The following MZT2B variants were observed in gnomAD, a reference collection of about 807,000 sequenced individuals.
MZT2B encodes the protein mitotic spindle organizing protein 2B, also known as mitotic-spindle organizing protein 2B.
Under a neutral mutation model 12.1 loss-of-function variants are expected in MZT2B, and 11 were observed. That is an observed-to-expected ratio of 0.91 (90% CI 0.57 to 1.50). MZT2B has a LOEUF of 1.50. Ranked by LOEUF, MZT2B falls within the 40% of genes most tolerant of loss-of-function variation. The probability of loss-of-function intolerance (pLI) is 0.00; values close to 1 mark genes in which losing one functional copy is unlikely to be tolerated. For missense variants in MZT2B, 209 were observed against 227.7 expected, an observed-to-expected ratio of 0.92 and a Z score of 0.53; for synonymous variants, 85 against 109.5, an observed-to-expected ratio of 0.78 and a Z score of 1.40.
chr2:130,188,669 G>T (rs1260642460), intron 2 of MZT2B, among the ~76,000 whole-genome samples: 4 of 152,270 alleles, frequency 2.6e-5, no homozygotes, highest in Admixed American at 1.3e-4. Context: ...CACCAGGCAA[G>T]AATGAGCAAA....
the MZT2B span, among the ~76,000 whole-genome samples, chr2:130,203,660 G>A: frequency 7.9e-5 from 12 of 151,416 alleles, 1 homozygote; most frequent in East Asian, 1.6e-3. Flanking sequence ...TTGCCCAGGC[G>A]CTGGTCTTGA....
downstream of MZT2B, chr2:130,195,159 C>T (rs1274036518): frequency 6.2e-7 from 1 of 1,613,914 alleles, no homozygotes; most frequent in African/African-American, 1.3e-5. Context: ...TTACTGGCTG[C>T]ATCTTCCTTC....
upstream of MZT2B, chr2:130,182,254 C>A: frequency 8.0e-7 from 1 of 1,253,940 alleles, no homozygotes; most frequent in South Asian, 3.2e-5. Flanking sequence ...CGCGGCGGGG[C>A]GGAGCGCACC....
the MZT2B span, among the ~76,000 whole-genome samples, chr2:130,200,390 C>CA: frequency 0.022 from 2,649 of 121,018 alleles, 14 homozygotes; most frequent in African/African-American, 0.057. Flanking sequence ...GACTCTGTCT[C>CA]AAAAAAAAAA....
In MZT2B at chr2:130,190,535, G is replaced by T; in HGVS notation, c.386G>T (p.Gly129Val). The T allele has an allele frequency of 6.2e-7, 1 of 1,613,882 alleles. No homozygotes were observed. Among genetic ancestry groups the T allele is most frequent in the South Asian group, 1.1e-5 (1 of 91,078 alleles). Reference sequence around the variant, plus strand: ...CTGGCGGAACGCAGCAGCCGCGAAGGATCCAGCCAGAGGATGCCACGCCAG... The same window carrying T: ...CTGGCGGAACGCAGCAGCCGCGAAGTATCCAGCCAGAGGATGCCACGCCAG... ...LALAERSSREGSSQRMPRQPS... is the reference protein window; with the variant it reads ...LALAERSSREVSSQRMPRQPS... The change falls in exon 3 of 3, where the codon GGA becomes GTA. Residue 129 changes from glycine (G) to valine (V), a missense_variant. Gly to Val is a moderately radical substitution (Grantham distance 109). Transcript: ENST00000281871.
chr2:130,182,701 G>C lies in MZT2B; in HGVS notation c.245G>C (p.Gly82Ala). ...CAGATGCTCAAGTCCATGTGTGCCG[G>C]GCAGAGGCTAGCGAGCGAGCCCCAG... ...VFQMLKSMCA[G>A]QRLASEPQDP... is the part of the protein sequence containing the mutation. Residue 82 changes from glycine (G) to alanine (A), a missense_variant, in exon 2 of 3, where the codon GGG becomes GCG. Coordinates refer to ENST00000281871, the MANE Select transcript of MZT2B (RefSeq NM_025029.5). 1 of 1,547,446 alleles carries C rather than the reference G, an allele frequency of 6.5e-7. No homozygotes were observed. Among genetic ancestry groups the C allele is most frequent in the Non-Finnish European group, 8.7e-7 (1 of 1,145,210 alleles).
downstream of MZT2B, chr2:130,194,021 G>A: frequency 1.9e-6 from 3 of 1,614,208 alleles, no homozygotes; most frequent in Non-Finnish European, 2.5e-6. Context: ...TGAGATGACT[G>A]GGGCGTAGGT....
At chr2:130,187,648 A>C (rs1573764412) in intron 2 of MZT2B, among the ~76,000 whole-genome samples, 1 of 152,288 alleles carries the variant, frequency 6.6e-6, no homozygotes, top group African/African-American at 2.4e-5. Context: ...CTGACTCAGT[A>C]GCCCCTCCCG....
chr2:130,190,336 T>C (rs1279091234), intron 2 of MZT2B, 133 bp from the exon 3 acceptor site: 49 of 1,381,334 alleles, frequency 3.5e-5, no homozygotes, highest in Non-Finnish European at 4.8e-5. Flanking sequence ...TTGGGGCTGA[T>C]GCAGGGCCTC....
At chr2:130,181,886 G>A (rs1324824555), upstream of MZT2B, 2 of 1,480,840 alleles carry the variant, frequency 1.4e-6, no homozygotes, top group Non-Finnish European at 1.8e-6. Flanking sequence ...CCCGAAAAGC[G>A]ACCCCTAGTG....
At chr2:130,204,300 G>C in the MZT2B span, 1 of 422,720 alleles carries the variant, frequency 2.4e-6, no homozygotes, top group East Asian at 7.3e-5. Context: ...ACTCCCAGAA[G>C]CAGAAGGTGT....
intron 2 of MZT2B, chr2:130,184,493 G>A (rs1224597631): frequency 1.0e-6 from 1 of 985,328 alleles, no homozygotes; most frequent in Non-Finnish European, 1.2e-6. Context: ...CACTTTCCAG[G>A]TGTCAGCAGG....
chr2:130,181,773 T>C (rs1689670042), upstream of MZT2B: 3 of 1,547,856 alleles, frequency 1.9e-6, no homozygotes, highest in Non-Finnish European at 1.7e-6. Flanking sequence ...TGCGCCTGCG[T>C]TGTGGCGGCC....
intron 2 of MZT2B, among the ~76,000 whole-genome samples, chr2:130,186,418 T>C (rs1573763247): frequency 1.3e-5 from 2 of 152,118 alleles, no homozygotes; most frequent in Non-Finnish European, 2.9e-5. Flanking sequence ...TCTGGAGTCA[T>C]TGAGGGAAAA....
At chr2:130,193,866 T>C (rs1690332134), downstream of MZT2B, 1 of 1,614,196 alleles carries the variant, frequency 6.2e-7, no homozygotes, top group Non-Finnish European at 8.5e-7. Context: ...TTGACGTCTT[T>C]GGGGACCACG....
At chr2:130,198,453 G>A in the MZT2B span, 14 of 1,313,182 alleles carry the variant, frequency 1.1e-5, 4 homozygotes, top group African/African-American at 1.6e-5. Context: ...CTGCCCACGC[G>A]CGCCGCACAG....
the MZT2B span, among the ~76,000 whole-genome samples, chr2:130,197,397 G>A: frequency 2.6e-5 from 3 of 117,136 alleles, 1 homozygote; most frequent in East Asian, 8.2e-4. Context: ...TGAGGCGGGA[G>A]GACTGCTGGA....
downstream of MZT2B, chr2:130,194,001 C>T (rs748674021): frequency 1.2e-6 from 2 of 1,614,004 alleles, no homozygotes; most frequent in African/African-American, 2.7e-5. Context: ...TCGTGGTAGG[C>T]CTTCTCAGCT....
chr2:130,189,828 G>T (rs992740704), intron 2 of MZT2B, among the ~76,000 whole-genome samples: 13 of 152,136 alleles, frequency 8.5e-5, no homozygotes, highest in African/African-American at 2.9e-4. Flanking sequence ...GCCTCTGGTG[G>T]TCAGAAGGAA....
Sources: gnomAD v4.1 joint callset for allele counts (sites outside exome capture counted in the v4.1 genomes callset) on GRCh38, gnomAD v4.1.1 for gene constraint, MANE v1.5 for transcripts, NCBI Gene and HGNC (gene_info 2026-07-23, HGNC 2026-07-21) for gene names.